Variants in CNTRL observed in about 807,000 individuals in gnomAD.
CNTRL encodes centriolin, also known as 110 kDa centrosomal protein.
A neutral mutation model predicts 303.7 loss-of-function variants in CNTRL; 233 were observed. That is an observed-to-expected ratio of 0.77 (90% CI 0.69 to 0.86). CNTRL has a LOEUF of 0.86. Among genes scored for constraint, CNTRL ranks in the 40% least tolerant of loss-of-function variants. The probability of loss-of-function intolerance (pLI) is 0.00; values close to 1 mark genes in which losing one functional copy is unlikely to be tolerated. For synonymous variants in CNTRL, 900 were observed against 922.2 expected (o/e 0.98, Z 0.44); for missense variants, 2,524 against 2,650.6 (o/e 0.95, Z 1.05).
chr9:121,135,655 A>C, intron 14 of CNTRL, 151 bp from the exon 15 acceptor site: 1 of 586,224 alleles, frequency 1.7e-6, no homozygotes, highest in South Asian at 3.3e-5. Context: ...GCACAACCTG[A>C]GGCTTCGTCA....
intron 1 of CNTRL, among the ~76,000 whole-genome samples, chr9:121,078,193 G>A (rs1341335547): frequency 3.3e-5 from 5 of 152,066 alleles, no homozygotes; most frequent in Non-Finnish European, 7.4e-5. Context: ...GATCACCTGA[G>A]GTCAGAAGTT....
intron 5 of CNTRL, among the ~76,000 whole-genome samples, chr9:121,095,628 A>G (rs966739095): frequency 6.6e-6 from 1 of 152,234 alleles, no homozygotes; most frequent in Non-Finnish European, 1.5e-5. Context: ...GATGGCCAAG[A>G]AAATGACTAG....
At chr9:121,095,090 A>C (rs2048833016) in intron 5 of CNTRL, 72 bp downstream of exon 5, 1 of 1,109,740 alleles carries the variant, frequency 9.0e-7, no homozygotes, top group East Asian at 2.6e-5. Context: ...AATGTTATCC[A>C]CATTACTGAA....
Position 121,154,804 on chromosome 9 carries a change from A to G in CNTRL, c.4256A>G (p.Asp1419Gly), listed in dbSNP as rs900823113. The change falls in exon 27 of 44, where the codon GAT becomes GGT. Residue 1419 changes from aspartate to glycine, a missense_variant. Transcript: ENST00000373855. Reference protein sequence around the residue: ...KSLKHHEDIVDEIECIEKTLL... With the variant: ...KSLKHHEDIVGEIECIEKTLL... ...CTCAAACATCATGAAGATATTGTAGATGAAATTGAGTGCATTGAGAAGACT... is the reference window on the plus strand; with the variant it reads ...CTCAAACATCATGAAGATATTGTAGGTGAAATTGAGTGCATTGAGAAGACT... 3 of 1,612,976 alleles carry G rather than the reference A, an allele frequency of 1.9e-6. No individual in the cohort carries two copies. Among genetic ancestry groups the G allele is most frequent in the East Asian group, 2.2e-5 (1 of 44,884 alleles).
At position 121,125,703 on chromosome 9, in the gene CNTRL, G is replaced by A; in HGVS notation, c.1805-13G>A. 1 of 1,599,808 alleles carries A rather than the reference G, an allele frequency of 6.3e-7. No individual in the cohort carries two copies. The stretch of plus-strand genomic sequence containing the variant: ...AAAAAGATATATTATTACCCTTTTT[G>A]CATCTTGCTTAGGCCAGATAGCAGC... On this transcript the variant is annotated splice_polypyrimidine_tract_variant and intron_variant, in intron 13 of 43. Coordinates refer to ENST00000373855, the MANE Select transcript of CNTRL (RefSeq NM_007018.6).
Position 121,098,498 on chromosome 9 carries a change from G to A in CNTRL, c.734G>A (p.Arg245His), listed in dbSNP as rs762428759. Residue 245 changes from arginine (R) to histidine (H), a missense_variant, in exon 7 of 44, where the codon CGT (arginine) becomes CAT (histidine). Arg to His is a conservative substitution (Grantham distance 29). Coordinates refer to ENST00000373855, the MANE Select transcript of CNTRL (RefSeq NM_007018.6). ...HYLQFTIFHL[R>H]SLESLEGQPV... ...CTCCAGTTTACCATTTTCCACCTCC[G>A]TTCATTGGAAAGTTTGGAAGGTCAG... 1.8e-5 allele frequency: 29 copies of A among 1,613,520 alleles called. No individual in the cohort carries two copies. The highest frequency in any genetic ancestry group is 6.7e-5 in the East Asian group (3 of 44,866).
chr9:121,121,658 A>C (rs535712512), intron 12 of CNTRL: 1 of 296,122 alleles, frequency 3.4e-6, no homozygotes, highest in East Asian at 1.7e-4. Context: ...GATCTGTTGC[A>C]AAGTTTGGGC....
intron 25 of CNTRL, chr9:121,150,709 G>A (rs546534784): frequency 3.2e-5 from 16 of 498,068 alleles, no homozygotes; most frequent in African/African-American, 2.9e-4. Flanking sequence ...CAAGAGGATT[G>A]CTTGAGCCTA....
In CNTRL at chr9:121,161,989, T is replaced by A; in HGVS notation, c.5205+18T>A. 6.2e-7 allele frequency: 1 copy of A among 1,612,982 alleles called. No individual in the cohort carries two copies. Among genetic ancestry groups the A allele is most frequent in the Non-Finnish European group, 8.5e-7 (1 of 1,179,010 alleles). On this transcript the variant is annotated intron_variant, in intron 33 of 43. Coordinates refer to ENST00000373855, the MANE Select transcript of CNTRL (RefSeq NM_007018.6). ...TGCTAGAGGTAATGAACAAAGCCAGTGTACCCTTAAGAAACTGAAGTCTTT... is the reference window on the plus strand; with the variant it reads ...TGCTAGAGGTAATGAACAAAGCCAGAGTACCCTTAAGAAACTGAAGTCTTT...
At chr9:121,107,403 T>G (rs1009158316) in intron 7 of CNTRL, among the ~76,000 whole-genome samples, 1 of 152,158 alleles carries the variant, frequency 6.6e-6, no homozygotes, top group African/African-American at 2.4e-5. Flanking sequence ...TTGGATCTTA[T>G]CCTAAGAGTA....
intron 25 of CNTRL, chr9:121,150,692 A>T: frequency 1.8e-6 from 1 of 545,992 alleles, no homozygotes; most frequent in East Asian, 3.1e-5. Context: ...TACTCAGGAG[A>T]CTGAGACAAG....
chr9:121,175,299 C>G, intron 43 of CNTRL, 75 bp downstream of exon 43: 3 of 1,361,742 alleles, frequency 2.2e-6, no homozygotes, highest in Non-Finnish European at 3.1e-6. Context: ...CAAGGTCTTG[C>G]CCTACCGCCC....
At chr9:121,162,438 T>C in intron 34 of CNTRL, 167 bp downstream of exon 34, 2 of 332,624 alleles carry the variant, frequency 6.0e-6, no homozygotes, top group African/African-American at 2.5e-5. Context: ...CCTTCTAGCT[T>C]TTTTTTTTTT....
intron 3 of CNTRL, among the ~76,000 whole-genome samples, chr9:121,089,819 G>C (rs1468566622): frequency 6.6e-6 from 1 of 152,046 alleles, no homozygotes; most frequent in Admixed American, 6.5e-5. Flanking sequence ...GTAGGATCTT[G>C]AGCAAATGAT....
At chr9:121,135,742 T>C (rs1398728852) in intron 14 of CNTRL, 64 bp from the exon 15 acceptor site, 4 of 1,445,676 alleles carry the variant, frequency 2.8e-6, no homozygotes, top group Non-Finnish European at 3.7e-6. Context: ...TTACTTATAA[T>C]GCCTTGCAAA....
chr9:121,134,121 C>T (rs1022778325), intron 14 of CNTRL, among the ~76,000 whole-genome samples: 47 of 152,098 alleles, frequency 3.1e-4, no homozygotes, highest in Non-Finnish European at 4.6e-4. Context: ...TTTATTTTCT[C>T]TTTCTCATAG....
At position 121,168,091 on chromosome 9, in the gene CNTRL, T is replaced by A; in HGVS notation, c.5845-5T>A. 1 of 1,607,240 alleles carries A rather than the reference T, an allele frequency of 6.2e-7. No homozygotes were observed. Among genetic ancestry groups the A allele is most frequent in the Non-Finnish European group, 8.5e-7 (1 of 1,177,224 alleles). ...AATGACTAATCAAGATTATTCTTTA[T>A]TAAGATGTTTCAGAGACTCCAGAAA... On this transcript the variant is annotated splice_region_variant and splice_polypyrimidine_tract_variant and intron_variant, in intron 37 of 43. Transcript: ENST00000373855.
chr9:121,083,019 T>C (rs1441576562), intron 2 of CNTRL, among the ~76,000 whole-genome samples: 1 of 147,168 alleles, frequency 6.8e-6, no homozygotes, highest in East Asian at 2.0e-4. Flanking sequence ...TGGTATAAAA[T>C]GTAAAAAAAG....
intron 40 of CNTRL, 55 bp downstream of exon 40, chr9:121,171,603 T>A: frequency 6.4e-7 from 1 of 1,562,140 alleles, no homozygotes; most frequent in Non-Finnish European, 8.7e-7. Context: ...CTCACTGGGC[T>A]CAGGCAGATT....
Sources: gnomAD v4.1 joint callset for allele counts (sites outside exome capture counted in the v4.1 genomes callset) on GRCh38, gnomAD v4.1.1 for gene constraint, MANE v1.5 for transcripts, NCBI Gene and HGNC (gene_info 2026-07-23, HGNC 2026-07-21) for gene names.